Variants in KCNQ3 observed in about 807,000 individuals in gnomAD.
The protein encoded by KCNQ3 is potassium voltage-gated channel subfamily KQT member 3.
KCNQ3 carries 30 observed loss-of-function variants against 92.5 expected under a neutral mutation model. That is an observed-to-expected ratio of 0.32 (90% CI 0.24 to 0.44). The LOEUF is 0.44. Ranked by LOEUF, KCNQ3 falls within the 20% of genes least tolerant of loss-of-function variation. The pLI is 1.00. For synonymous variants in KCNQ3, 450 were observed against 468.8 expected, an observed-to-expected ratio of 0.96 and a Z score of 0.52; for missense variants, 913 against 1,140.3, an observed-to-expected ratio of 0.80 and a Z score of 2.87.
chr8:132,360,071 A>C (rs2130720746), intron 1 of KCNQ3, among the ~76,000 whole-genome samples: 1 of 152,308 alleles, frequency 6.6e-6, no homozygotes, highest in Non-Finnish European at 1.5e-5. Context: ...ATATGGCCTC[A>C]GATTTTAGGA....
chr8:132,320,249 C>A (rs538510870), intron 1 of KCNQ3, among the ~76,000 whole-genome samples: 1 of 152,254 alleles, frequency 6.6e-6, no homozygotes, highest in African/African-American at 2.4e-5. Context: ...TTATAATTTA[C>A]CAGATATGTG....
chr8:132,199,562 T>A (rs1198399843), intron 1 of KCNQ3, among the ~76,000 whole-genome samples: 3 of 152,202 alleles, frequency 2.0e-5, no homozygotes, highest in African/African-American at 7.2e-5. Context: ...ATAAAAGGTT[T>A]CTTCTAAATC....
At chr8:132,235,979 T>G (rs571180443) in intron 1 of KCNQ3, among the ~76,000 whole-genome samples, 9 of 152,334 alleles carry the variant, frequency 5.9e-5, no homozygotes, top group African/African-American at 1.4e-4. Context: ...GCTGGGCTTC[T>G]TCACAGCTCA....
At chr8:132,169,222 C>T (rs1826234928) in intron 8 of KCNQ3, among the ~76,000 whole-genome samples, 1 of 152,174 alleles carries the variant, frequency 6.6e-6, no homozygotes, top group Admixed American at 6.5e-5. Flanking sequence ...GGCTCCTGTT[C>T]AGGATGCATT....
chr8:132,166,694 T>A lies in KCNQ3; in HGVS notation c.1236-3200A>T, dbSNP rs532198710. Among the ~76,000 whole-genome samples the A allele has an allele frequency of 1.2e-3, 180 of 152,086 alleles. 6 individuals carry two copies. In the South Asian group the frequency reaches 0.036, roughly 31 times the overall value. On this transcript the variant is annotated intron_variant, in intron 8 of 14. Coordinates refer to ENST00000388996, the MANE Select transcript of KCNQ3 (RefSeq NM_004519.4). ...TAATTATAATTTGTAATAAAAAAAA[T>A]AAGAACAGACCACCGTCATCCATCA... is the stretch of plus-strand genomic sequence containing the variant.
chr8:132,429,588 C>T (rs1821195264), intron 1 of KCNQ3, among the ~76,000 whole-genome samples: 1 of 152,108 alleles, frequency 6.6e-6, no homozygotes, highest in Non-Finnish European at 1.5e-5. Flanking sequence ...TGGCTGGGTG[C>T]AGTGGCTCAC....
intron 1 of KCNQ3, among the ~76,000 whole-genome samples, chr8:132,416,351 G>A (rs2130804244): frequency 6.6e-6 from 1 of 152,228 alleles, no homozygotes; most frequent in South Asian, 2.1e-4. Context: ...AATTCAGTCG[G>A]GCACAGTGGC....
chr8:132,328,326 G>C (rs900706137), intron 1 of KCNQ3, among the ~76,000 whole-genome samples: 2 of 152,190 alleles, frequency 1.3e-5, no homozygotes, highest in Non-Finnish European at 2.9e-5. Context: ...TGCTGCCTAA[G>C]AGTGGGGATA....
intron 1 of KCNQ3, among the ~76,000 whole-genome samples, chr8:132,371,596 C>T (rs537202668): frequency 6.6e-6 from 1 of 152,310 alleles, no homozygotes; most frequent in East Asian, 1.9e-4. Flanking sequence ...AGAAATCCCT[C>T]TCTGAGATCT....
At chr8:132,266,991 A>G (rs1466130483) in intron 1 of KCNQ3, among the ~76,000 whole-genome samples, 2 of 152,198 alleles carry the variant, frequency 1.3e-5, no homozygotes, top group African/African-American at 4.8e-5. Context: ...ACTCTAGAAA[A>G]GGAAGGCTAA....
chr8:132,413,320 GT>G (rs1820705256), intron 1 of KCNQ3, among the ~76,000 whole-genome samples: 1 of 152,184 alleles, frequency 6.6e-6, no homozygotes, highest in Non-Finnish European at 1.5e-5. Context: ...GTTTCTTTGT[GT>G]TTCTCAAAAT....
chr8:132,234,867 C>T (rs1034227432), intron 1 of KCNQ3, among the ~76,000 whole-genome samples: 1 of 152,150 alleles, frequency 6.6e-6, no homozygotes, highest in African/African-American at 2.4e-5. Context: ...CTGGCCCAGC[C>T]CCCATCCAAT....
In KCNQ3 at chr8:132,480,291, G is replaced by C. The variant is rs77663285; in HGVS notation, c.242C>G (p.Thr81Ser). 3.1e-6 allele frequency: 5 copies of C among 1,607,598 alleles called. No homozygotes were observed. In the African/African-American group the frequency reaches 6.7e-5, roughly 22 times the overall value. Residue 81 changes from threonine (T) to serine (S), a missense_variant, in exon 1 of 15, where the codon ACC becomes AGC. Around this residue, in one of 6 missense-constraint regions of KCNQ3, gnomAD observed 183 missense variants for 167.7 expected, o/e 1.09. Coordinates refer to ENST00000388996, the MANE Select transcript of KCNQ3 (RefSeq NM_004519.4). Reference protein sequence around the residue: ...GGGRDEGQRRTPQGIGLLAKT... With the variant: ...GGGRDEGQRRSPQGIGLLAKT... ...GGCCAGGAGCCCGATGCCCTGCGGG[G>C]TCCTCCGCTGCCCCTCGTCGCGGCC...
At chr8:132,310,492 A>G (rs1817562966) in intron 1 of KCNQ3, among the ~76,000 whole-genome samples, 1 of 152,082 alleles carries the variant, frequency 6.6e-6, no homozygotes, top group Non-Finnish European at 1.5e-5. Context: ...ACAGGAGGAG[A>G]GGTGGGGTGG....
intron 1 of KCNQ3, among the ~76,000 whole-genome samples, chr8:132,382,121 T>C (rs1281819591): frequency 2.0e-5 from 3 of 152,228 alleles, no homozygotes; most frequent in African/African-American, 7.2e-5. Context: ...GTCTTTACAG[T>C]TCTTTTTTCT....
At chr8:132,385,292 G>A (rs1415278884) in intron 1 of KCNQ3, among the ~76,000 whole-genome samples, 1 of 152,216 alleles carries the variant, frequency 6.6e-6, no homozygotes, top group Non-Finnish European at 1.5e-5. Flanking sequence ...CCCTTCTACA[G>A]TTGCCAATGT....
chr8:132,251,802 C>T (rs1159526055), intron 1 of KCNQ3, among the ~76,000 whole-genome samples: 1 of 152,180 alleles, frequency 6.6e-6, no homozygotes, highest in East Asian at 1.9e-4. Flanking sequence ...GACAGCTGGG[C>T]CCTGTGGGCT....
chr8:132,288,804 C>T (rs1302435798), intron 1 of KCNQ3, among the ~76,000 whole-genome samples: 1 of 152,144 alleles, frequency 6.6e-6, no homozygotes, highest in Non-Finnish European at 1.5e-5. Flanking sequence ...GTCCCTGACC[C>T]ACTCTTCCAC....
chr8:132,150,853 GT>G (rs1381647691), intron 9 of KCNQ3, among the ~76,000 whole-genome samples: 1 of 152,050 alleles, frequency 6.6e-6, no homozygotes, highest in African/African-American at 2.4e-5. Context: ...TGTGATGTCT[GT>G]AAAAAGATCT....
Sources: gnomAD v4.1 joint callset for allele counts (sites outside exome capture counted in the v4.1 genomes callset) on GRCh38, gnomAD v4.1.1 for gene constraint, gnomAD v4.1.1 regional missense constraint, MANE v1.5 for transcripts, NCBI Gene and HGNC (gene_info 2026-07-23, HGNC 2026-07-21) for gene names.